Variants in DSCAML1 observed in about 807,000 individuals in gnomAD.
DSCAML1 encodes the protein DS cell adhesion molecule like 1.
Under a neutral mutation model 200.5 loss-of-function variants are expected in DSCAML1, and 38 were observed. The ratio of observed to expected loss-of-function variants is 0.19; its 90% confidence interval spans 0.15 to 0.25. DSCAML1 has a LOEUF of 0.25. DSCAML1 is among the 10% of genes least tolerant of loss of function. The pLI is 1.00. For missense variants in DSCAML1, 2,223 were observed against 2,858.8 expected, an observed-to-expected ratio of 0.78 and a Z score of 5.07; for synonymous variants, 1,215 against 1,165.0, an observed-to-expected ratio of 1.04 and a Z score of -0.87.
intron 3 of DSCAML1, among the ~76,000 whole-genome samples, chr11:117,741,365 C>T (rs2054420474): frequency 6.6e-6 from 1 of 152,262 alleles, no homozygotes; most frequent in African/African-American, 2.4e-5. Context: ...ATGATAAGTG[C>T]AATCTTGAGA....
chr11:117,572,052 A>G (rs71480344), intron 3 of DSCAML1, among the ~76,000 whole-genome samples: 7,064 of 152,300 alleles, frequency 0.046, 320 homozygotes, highest in Non-Finnish European at 0.058. Flanking sequence ...TCATCAAGAA[A>G]TAACCAGAAA....
chr11:117,470,010 T>C (rs1248540726), intron 15 of DSCAML1, 30 bp from the exon 16 acceptor site: 3 of 1,566,092 alleles, frequency 1.9e-6, no homozygotes, highest in South Asian at 1.2e-5. Flanking sequence ...GGAGAAACAT[T>C]ACAAGTCAAG....
chr11:117,636,163 G>A (rs957061804), intron 3 of DSCAML1, among the ~76,000 whole-genome samples: 1 of 152,152 alleles, frequency 6.6e-6, no homozygotes, highest in African/African-American at 2.4e-5. Flanking sequence ...GATAAATGAT[G>A]GGAGTTCTTA....
chr11:117,722,514 C>T (rs2054057860), intron 3 of DSCAML1, among the ~76,000 whole-genome samples: 1 of 151,984 alleles, frequency 6.6e-6, no homozygotes, highest in Non-Finnish European at 1.5e-5. Context: ...TTTATAGAAG[C>T]TAGAAGAGAG....
At chr11:117,659,972 C>A (rs1004979202) in intron 3 of DSCAML1, among the ~76,000 whole-genome samples, 2 of 152,196 alleles carry the variant, frequency 1.3e-5, no homozygotes, top group Non-Finnish European at 2.9e-5. Flanking sequence ...GATTGGCCCG[C>A]CTTAGCCTCC....
intron 3 of DSCAML1, among the ~76,000 whole-genome samples, chr11:117,637,549 G>A (rs1225000353): frequency 6.6e-6 from 1 of 152,134 alleles, no homozygotes; most frequent in African/African-American, 2.4e-5. Context: ...GTTTCACCAT[G>A]TTGGTCAGTC....
At chr11:117,614,507 A>T (rs916197451) in intron 3 of DSCAML1, among the ~76,000 whole-genome samples, 1 of 152,080 alleles carries the variant, frequency 6.6e-6, no homozygotes, top group African/African-American at 2.4e-5. Context: ...GTCTCCATTG[A>T]TTCTCTTTTC....
intron 3 of DSCAML1, among the ~76,000 whole-genome samples, chr11:117,613,846 G>A (rs1172041571): frequency 6.6e-6 from 1 of 152,174 alleles, no homozygotes; most frequent in African/African-American, 2.4e-5. Flanking sequence ...CCCCTGCAGA[G>A]CTCAGAGGTC....
At chr11:117,741,796 G>C (rs2054427496) in intron 3 of DSCAML1, among the ~76,000 whole-genome samples, 2 of 152,192 alleles carry the variant, frequency 1.3e-5, no homozygotes, top group South Asian at 4.1e-4. Flanking sequence ...AGCATCACTA[G>C]GAGGCCTTAA....
chr11:117,455,641 T>A (rs1686966574), intron 19 of DSCAML1, among the ~76,000 whole-genome samples: 1 of 152,260 alleles, frequency 6.6e-6, no homozygotes, highest in Non-Finnish European at 1.5e-5. Flanking sequence ...TTTTGCTTTT[T>A]TCTAAATTTC....
chr11:117,761,044 T>C (rs567165414), intron 3 of DSCAML1, among the ~76,000 whole-genome samples: 3 of 152,306 alleles, frequency 2.0e-5, no homozygotes, highest in East Asian at 3.9e-4. Context: ...AGGTCACATC[T>C]GGATACTTGG....
chr11:117,440,829 G>A lies in DSCAML1; in HGVS notation c.3863-893C>T, dbSNP rs1592579056. Among the ~76,000 whole-genome samples, 5 of 148,746 alleles carry A rather than the reference G, an allele frequency of 3.4e-5. No individual in the cohort carries two copies. The Admixed American group carries it at 3.4e-4, about 10-fold the overall frequency. ...CCAGCTACTCGGGAGGCTGAGGCGA[G>A]AGAATCGCTTGAACCTGGGAGGTGG... On this transcript the variant is annotated intron_variant, in intron 21 of 32. Coordinates refer to ENST00000651296, the MANE Select transcript of DSCAML1 (RefSeq NM_020693.4).
At chr11:117,750,023 G>A (rs979077493) in intron 3 of DSCAML1, among the ~76,000 whole-genome samples, 6 of 152,244 alleles carry the variant, frequency 3.9e-5, no homozygotes, top group African/African-American at 1.4e-4. Flanking sequence ...GAAAGGCACT[G>A]AGAAGGGTAC....
rs74358622 is a variant in DSCAML1, at chr11:117,545,362, C to A, written c.512-12840G>T. On this transcript the variant is annotated intron_variant, in intron 3 of 32. Coordinates refer to ENST00000651296, the MANE Select transcript of DSCAML1 (RefSeq NM_020693.4). Reference sequence around the variant, plus strand: ...GAGAGAGGCCTCACCAGAAACCACACCTGCCATGACCTTGACCTTAGACTT... The same window carrying A: ...GAGAGAGGCCTCACCAGAAACCACAACTGCCATGACCTTGACCTTAGACTT... Among the ~76,000 whole-genome samples the A allele has an allele frequency of 3.3e-3, 499 of 152,300 alleles. 7 individuals carry two copies. The highest frequency in any genetic ancestry group is 0.012 in the African/African-American group (479 of 41,564).
intron 3 of DSCAML1, among the ~76,000 whole-genome samples, chr11:117,616,924 C>G (rs376882066): frequency 6.6e-6 from 1 of 152,116 alleles, no homozygotes; most frequent in African/African-American, 2.4e-5. Flanking sequence ...TTCTTACAGA[C>G]GTGTAACAGA....
intron 3 of DSCAML1, among the ~76,000 whole-genome samples, chr11:117,683,004 A>G (rs2053337824): frequency 6.6e-6 from 1 of 152,246 alleles, no homozygotes; most frequent in Non-Finnish European, 1.5e-5. Flanking sequence ...GCTCCTCCAC[A>G]GAGGACTTGC....
intron 31 of DSCAML1, 81 bp from the exon 32 acceptor site, chr11:117,431,114 C>A: frequency 7.3e-7 from 1 of 1,371,866 alleles, no homozygotes; most frequent in Non-Finnish European, 1.0e-6. Flanking sequence ...CTGCCCGTAA[C>A]CCCAGCAGCC....
At chr11:117,540,245 G>A (rs550435001) in intron 3 of DSCAML1, among the ~76,000 whole-genome samples, 1 of 152,288 alleles carries the variant, frequency 6.6e-6, no homozygotes, top group Admixed American at 6.5e-5. Flanking sequence ...GCAGGCGAGC[G>A]AGCATTTCCT....
intron 11 of DSCAML1, among the ~76,000 whole-genome samples, chr11:117,490,589 T>C (rs1021399955): frequency 6.6e-6 from 1 of 152,202 alleles, no homozygotes; most frequent in African/African-American, 2.4e-5. Flanking sequence ...CAGTGCTGCA[T>C]CCTTTGCCTC....
Sources: gnomAD v4.1 joint callset for allele counts (sites outside exome capture counted in the v4.1 genomes callset) on GRCh38, gnomAD v4.1.1 for gene constraint, MANE v1.5 for transcripts, NCBI Gene and HGNC (gene_info 2026-07-23, HGNC 2026-07-21) for gene names.